The following KIF13A variants were observed in gnomAD, a reference collection of about 807,000 sequenced individuals.
KIF13A encodes kinesin family member 13A.
KIF13A carries 79 observed loss-of-function variants against 212.2 expected under a neutral mutation model. That is an observed-to-expected ratio of 0.37 (90% CI 0.31 to 0.45). The LOEUF is 0.45. KIF13A is among the 20% of genes least tolerant of loss of function. KIF13A has a pLI of 1.00. For missense variants in KIF13A, 1,901 were observed against 2,209.0 expected (o/e 0.86, Z 2.79); for synonymous variants, 789 against 808.6 (o/e 0.98, Z 0.41).
In KIF13A at chr6:17,934,787, CA is replaced by C. The variant is rs11301845; in HGVS notation, c.147-36608del. Reference sequence around the variant, plus strand: ...GGGCAACCAAGCAATACCCTGTCTCCAAAAAAAAAAAAAAGACACTTAAAAA... The same window carrying C: ...GGGCAACCAAGCAATACCCTGTCTCCAAAAAAAAAAAAAGACACTTAAAAA... On this transcript the variant is annotated intron_variant, in intron 2 of 38. Transcript: ENST00000259711. The surrounding 1 kb of genome is among the most constrained non-coding windows in gnomAD (Gnocchi z 5.4). 0.56 allele frequency among the ~76,000 whole-genome samples: 78,944 copies of C among 140,106 alleles called. 21,819 individuals are homozygous for C. Among genetic ancestry groups the C allele is most frequent in the Non-Finnish European group, 0.65 (41,991 of 64,762 alleles). 91.9% of individuals were successfully genotyped at this position (140,106 alleles called of 152,430 possible).
At position 17,967,012 on chromosome 6, in the gene KIF13A, A is replaced by T. The variant is rs1325289518; in HGVS notation, c.146+20042T>A. 6.6e-6 allele frequency among the ~76,000 whole-genome samples: 1 copy of T among 152,218 alleles called. No individual in the cohort carries two copies. The highest frequency in any genetic ancestry group is 2.4e-5 in the African/African-American group (1 of 41,458). ...TCCTTAATTAGGGAAAGAAAATACC[A>T]AATATTCCAGCAGTACCTAACTTGA... On this transcript the variant is annotated intron_variant, in intron 2 of 38. Transcript: ENST00000259711. This position sits in a 1 kb window ranked among gnomAD's most constrained non-coding sequence, Gnocchi z 4.1.
chr6:17,879,319 C>A (rs1273099908), intron 3 of KIF13A, among the ~76,000 whole-genome samples: 4 of 152,184 alleles, frequency 2.6e-5, no homozygotes, highest in Non-Finnish European at 5.9e-5. Context: ...TCATACAGGG[C>A]AGGCACTGTA....
intron 9 of KIF13A, among the ~76,000 whole-genome samples, chr6:17,847,280 C>T (rs1485763749): frequency 6.6e-6 from 1 of 152,198 alleles, no homozygotes; most frequent in Admixed American, 6.5e-5. Context: ...ATTTCTGCCT[C>T]CCCATCCTGG....
rs774191820 is a variant in KIF13A at position 17,764,415 on chromosome 6, A to G, written c.5113T>C (p.Cys1705Arg). ...RTGSCSELDA[C>R]PSKISQPARG... ...GCTGGCTGGCTAATTTTGCTGGGGC[A>G]GGCATCTAGTTCTGAACATGAGCCA... The change falls in exon 39 of 39, where the codon TGC (cysteine) becomes CGC (arginine). Residue 1705 changes from cysteine (C) to arginine (R), a missense_variant. By Grantham distance (180) the Cys-to-Arg change is radical. This residue lies in a region of KIF13A where 687 missense variants were observed against 759.1 expected (regional missense o/e 0.90). Transcript: ENST00000259711. The surrounding 1 kb of genome is among the most constrained non-coding windows in gnomAD (Gnocchi z 5.1). The G allele has an allele frequency of 3.7e-6, 6 of 1,614,028 alleles. No individual in the cohort carries two copies. Among genetic ancestry groups the G allele is most frequent in the Non-Finnish European group, 5.1e-6 (6 of 1,179,888 alleles).
chr6:17,932,633 C>T (rs74494983), intron 2 of KIF13A, among the ~76,000 whole-genome samples: 1 of 152,078 alleles, frequency 6.6e-6, no homozygotes, highest in Admixed American at 6.5e-5. Flanking sequence ...CCGGAACTGT[C>T]ACCTCAACAC....
chr6:17,880,252 G>A (rs1353425104), intron 3 of KIF13A, among the ~76,000 whole-genome samples: 3 of 152,092 alleles, frequency 2.0e-5, no homozygotes, highest in Non-Finnish European at 4.4e-5. Flanking sequence ...CACCATGGCT[G>A]GCCAGAAACC....
At chr6:17,863,372 CTT>C (rs35627842) in intron 4 of KIF13A, among the ~76,000 whole-genome samples, 9 of 139,674 alleles carry the variant, frequency 6.4e-5, no homozygotes, top group Non-Finnish European at 7.8e-5. Context: ...AAAATACTTT[CTT>C]TTTTTTTTTT....
Position 17,843,472 on chromosome 6 carries a change from G to A in KIF13A, c.831-5889C>T, listed in dbSNP as rs1472001442. 6.6e-6 allele frequency among the ~76,000 whole-genome samples: 1 copy of A among 152,194 alleles called. No individual in the cohort carries two copies. Among genetic ancestry groups the A allele is most frequent in the African/African-American group, 2.4e-5 (1 of 41,452 alleles). ...ACTGTTGTTCTTCTGATAAAAGAAG[G>A]TACAAATTCAGCTGACAGAAGCCTG... On this transcript the variant is annotated intron_variant, in intron 9 of 38. Transcript: ENST00000259711. The surrounding 1 kb of genome is among the most constrained non-coding windows in gnomAD (Gnocchi z 5.3).
Position 17,934,366 on chromosome 6 carries a change from A to T in KIF13A, c.147-36186T>A, listed in dbSNP as rs1222902972. ...GACGAGAGCGGCTGAACACCATCCC[A>T]TTCCTAATTAGGAACTTTCAACTCT... On this transcript the variant is annotated intron_variant, in intron 2 of 38. Transcript: ENST00000259711. The surrounding 1 kb of genome is among the most constrained non-coding windows in gnomAD (Gnocchi z 5.4). Among the ~76,000 whole-genome samples, 1 of 152,178 alleles carries T rather than the reference A, an allele frequency of 6.6e-6. No individual in the cohort carries two copies. Among genetic ancestry groups the T allele is most frequent in the Non-Finnish European group, 1.5e-5 (1 of 68,036 alleles).
At position 17,828,441 on chromosome 6, in the gene KIF13A, A is replaced by G; in HGVS notation, c.1402-71T>C. 2 of 1,359,538 alleles carry G rather than the reference A, an allele frequency of 1.5e-6. No homozygotes were observed. Among genetic ancestry groups the G allele is most frequent in the Non-Finnish European group, 2.1e-6 (2 of 974,824 alleles). The allele number at this position is 1,359,538 out of a possible 1,614,324, so 84.2% of individuals were successfully genotyped here. A position where few individuals can be genotyped will look rare whatever the true frequency, so the allele number is the denominator to read the frequency against. On this transcript the variant is annotated intron_variant, in intron 13 of 38. Transcript: ENST00000259711. This position sits in a 1 kb window ranked among gnomAD's most constrained non-coding sequence, Gnocchi z 4.3. ...ACTCAGCAAAAATGTATCACAATCAATTTGAATAACGCAGCAGCATATGCA... is the reference window on the plus strand; with the variant it reads ...ACTCAGCAAAAATGTATCACAATCAGTTTGAATAACGCAGCAGCATATGCA...
chr6:17,929,858 ACCT>A (rs1469721789), intron 2 of KIF13A, among the ~76,000 whole-genome samples: 5 of 151,872 alleles, frequency 3.3e-5, no homozygotes, highest in African/African-American at 4.8e-5. Flanking sequence ...TACCTTTCTG[ACCT>A]CCTCCTGTAG....
intron 2 of KIF13A, among the ~76,000 whole-genome samples, chr6:17,969,654 G>A (rs1200211903): frequency 2.6e-5 from 4 of 152,086 alleles, no homozygotes; most frequent in African/African-American, 7.2e-5. Context: ...ATGAACTTGA[G>A]GGCTTCTCTG....
intron 14 of KIF13A, among the ~76,000 whole-genome samples, chr6:17,827,986 C>T (rs769478850): frequency 6.6e-6 from 1 of 152,190 alleles, no homozygotes; most frequent in Admixed American, 6.5e-5. Context: ...TTTTCACTTA[C>T]TCTCATAATT....
intron 2 of KIF13A, among the ~76,000 whole-genome samples, chr6:17,969,258 T>C (rs1472063155): frequency 2.0e-5 from 3 of 152,226 alleles, no homozygotes; most frequent in Non-Finnish European, 4.4e-5. Flanking sequence ...CTGTCTTTAT[T>C]CAGAGCAATA....
At chr6:17,976,305 C>G (rs923068452) in intron 2 of KIF13A, among the ~76,000 whole-genome samples, 1 of 152,220 alleles carries the variant, frequency 6.6e-6, no homozygotes, top group Non-Finnish European at 1.5e-5. Context: ...TCAGGCATGG[C>G]GGGCTGCAGG....
Position 17,839,442 on chromosome 6 carries a change from C to T in KIF13A, c.831-1859G>A, listed in dbSNP as rs1208836556. Among the ~76,000 whole-genome samples the T allele has an allele frequency of 6.6e-6, 1 of 152,176 alleles. No homozygotes were observed. Among genetic ancestry groups the T allele is most frequent in the Non-Finnish European group, 1.5e-5 (1 of 68,030 alleles). On this transcript the variant is annotated intron_variant, in intron 9 of 38. Coordinates refer to ENST00000259711, the MANE Select transcript of KIF13A (RefSeq NM_022113.6). The surrounding 1 kb of genome is among the most constrained non-coding windows in gnomAD (Gnocchi z 4.3). ...ATGAATAAAATCTGGTATATACACA[C>T]AGTGGAATATCATTTGGCCATAAAA...
At chr6:17,844,027 AGAGT>A (rs1402917206) in intron 9 of KIF13A, among the ~76,000 whole-genome samples, 1 of 149,404 alleles carries the variant, frequency 6.7e-6, no homozygotes, top group Non-Finnish European at 1.5e-5. Context: ...CCTGGGTGAC[AGAGT>A]GAGACTCCAT....
chr6:17,784,263 A>G (rs189741512), intron 28 of KIF13A, among the ~76,000 whole-genome samples: 1 of 152,226 alleles, frequency 6.6e-6, no homozygotes, highest in African/African-American at 2.4e-5. Context: ...TATAAAAAAA[A>G]ACAAAAAAAC....
intron 3 of KIF13A, among the ~76,000 whole-genome samples, chr6:17,891,890 A>G (rs1475763818): frequency 6.6e-6 from 1 of 152,106 alleles, no homozygotes; most frequent in East Asian, 1.9e-4. Context: ...TCCTCTTTTC[A>G]TTCTCCAAAG....
Sources: gnomAD v4.1 joint callset for allele counts (sites outside exome capture counted in the v4.1 genomes callset) on GRCh38, gnomAD v4.1.1 for gene constraint, gnomAD v4.1.1 regional missense constraint, Gnocchi (gnomAD v3.1) non-coding constraint, MANE v1.5 for transcripts, NCBI Gene and HGNC (gene_info 2026-07-23, HGNC 2026-07-21) for gene names.